Variants in LONRF1 observed in about 807,000 individuals in gnomAD.
The protein encoded by LONRF1 is LON peptidase N-terminal domain and ring finger 1.
Under a neutral mutation model 85.8 loss-of-function variants are expected in LONRF1, and 37 were observed. The ratio of observed to expected loss-of-function variants is 0.43; its 90% CI spans 0.33 to 0.57. LONRF1 has a LOEUF of 0.57. Ranked by LOEUF, LONRF1 falls within the 20% of genes least tolerant of loss-of-function variation. The probability of loss-of-function intolerance (pLI) is 0.04; values close to 1 mark genes in which losing one functional copy is unlikely to be tolerated. For synonymous variants in LONRF1, 517 were observed against 390.1 expected (o/e 1.33, Z -3.83); for missense variants, 1,036 against 978.0 (o/e 1.06, Z -0.79).
chr8:12,725,519 G>C (rs969326139), intron 11 of LONRF1, among the ~76,000 whole-genome samples: 1 of 152,130 alleles, frequency 6.6e-6, no homozygotes, highest in Non-Finnish European at 1.5e-5. Context: ...CAGCTGACAC[G>C]TATTTCCAGC....
intron 7 of LONRF1, among the ~76,000 whole-genome samples, chr8:12,734,499 C>T (rs1798645438): frequency 6.6e-6 from 1 of 152,194 alleles, no homozygotes. Context: ...CTCAGAATCA[C>T]AGGCTTTAGC....
In LONRF1 at chr8:12,751,296, G is replaced by GTTTTT. The variant is rs869038024; in HGVS notation, c.721+3399_721+3403dup. On this transcript the variant is annotated intron_variant, in intron 1 of 11. Transcript: ENST00000398246. The stretch of plus-strand genomic sequence containing the variant: ...TCAAGGATTATATTTTTATTTTTAT[G>GTTTTT]TTTTTTTTTTTTTTTTTTTTTTTTG... 1.8e-3 allele frequency among the ~76,000 whole-genome samples: 128 copies of GTTTTT among 69,524 alleles called. 3 individuals carry two copies. The highest frequency in any genetic ancestry group is 0.011 in the Middle Eastern group (1 of 88). 45.6% of individuals were successfully genotyped at this position (69,524 alleles called of 152,430 possible).
chr8:12,737,925 G>A, intron 4 of LONRF1, 70 bp downstream of exon 4: 1 of 1,486,158 alleles, frequency 6.7e-7, no homozygotes, highest in Non-Finnish European at 9.0e-7. Context: ...TTGAAACTAG[G>A]AAAGTGAAGC....
At position 12,741,037 on chromosome 8, in the gene LONRF1, T is replaced by C. The variant is rs372870259; in HGVS notation, c.841-41A>G. 15 of 1,598,692 alleles carry C rather than the reference T, an allele frequency of 9.4e-6. No individual in the cohort carries two copies. The East Asian group carries it at 1.6e-4, about 17-fold the overall frequency. Reference sequence around the variant, plus strand: ...ATATATAAAACCTTTGTGTTAAGAATTGCTTTTTAAAAAATCATTATCAAG... The same window carrying C: ...ATATATAAAACCTTTGTGTTAAGAACTGCTTTTTAAAAAATCATTATCAAG... On this transcript the variant is annotated intron_variant, in intron 2 of 11. Coordinates refer to ENST00000398246, the MANE Select transcript of LONRF1 (RefSeq NM_152271.5).
In LONRF1 at chr8:12,739,981, G is replaced by A. The variant is rs532880344; in HGVS notation, c.963+893C>T. 3.3e-5 allele frequency among the ~76,000 whole-genome samples: 5 copies of A among 152,262 alleles called. No homozygotes were observed. The South Asian group carries it at 1.0e-3, about 32-fold the overall frequency. On this transcript the variant is annotated intron_variant, in intron 3 of 11. Transcript: ENST00000398246. ...ACAATCTCAAAGTTCTCATGCTTCAGGGTACAAAAACATCTCCTGGGATGC... is the reference window on the plus strand; with the variant it reads ...ACAATCTCAAAGTTCTCATGCTTCAAGGTACAAAAACATCTCCTGGGATGC...
At chr8:12,747,640 A>G (rs1051822524) in intron 1 of LONRF1, among the ~76,000 whole-genome samples, 10 of 152,266 alleles carry the variant, frequency 6.6e-5, no homozygotes, top group African/African-American at 2.2e-4. Context: ...GTTTAAAGAA[A>G]GCAGAAATAA....
At position 12,729,156 on chromosome 8, in the gene LONRF1, G is replaced by A. The variant is rs1158723392; in HGVS notation, c.1847+18C>T. ...GGTCTAACATAAATACAAATATTTA[G>A]GTTCACAAAAAGCATACCTATTTTG... On this transcript the variant is annotated intron_variant, in intron 9 of 11. Transcript: ENST00000398246. The A allele has an allele frequency of 6.2e-7, 1 of 1,612,982 alleles. No individual in the cohort carries two copies. Among genetic ancestry groups the A allele is most frequent in the South Asian group, 1.1e-5 (1 of 91,028 alleles).
chr8:12,746,537 G>T (rs1043821223), intron 1 of LONRF1, among the ~76,000 whole-genome samples: 4 of 152,172 alleles, frequency 2.6e-5, no homozygotes, highest in Non-Finnish European at 4.4e-5. Context: ...TAACCACTAA[G>T]AGCATGATCT....
intron 2 of LONRF1, 44 bp downstream of exon 2, chr8:12,743,120 G>C: frequency 2.3e-6 from 3 of 1,286,048 alleles, no homozygotes; most frequent in African/African-American, 1.5e-5. Flanking sequence ...GTCCCTTATA[G>C]TTAAAATTTT....
chr8:12,735,546 T>G (rs1263110081), intron 6 of LONRF1, 146 bp from the exon 7 acceptor site: 2 of 606,306 alleles, frequency 3.3e-6, no homozygotes, highest in Non-Finnish European at 5.9e-6. Flanking sequence ...AGGGCAGTGA[T>G]AAGTGTAACC....
At chr8:12,725,229 G>C (rs949155225) in intron 11 of LONRF1, among the ~76,000 whole-genome samples, 1 of 152,184 alleles carries the variant, frequency 6.6e-6, no homozygotes, top group African/African-American at 2.4e-5. Flanking sequence ...CATGAGAAGC[G>C]AGGTATTAAA....
At position 12,723,027 on chromosome 8, in the gene LONRF1, G is replaced by C. The variant is rs567310577; in HGVS notation, c.*69C>G. The C allele has an allele frequency of 1.4e-6, 2 of 1,400,762 alleles. No individual in the cohort carries two copies. The highest frequency in any genetic ancestry group is 2.9e-5 in the African/African-American group (2 of 69,462). 86.8% of individuals were successfully genotyped at this position (1,400,762 alleles called of 1,614,324 possible). On this transcript the variant is annotated 3_prime_UTR_variant, in exon 12 of 12. Transcript: ENST00000398246. The stretch of plus-strand genomic sequence containing the variant: ...CTGAAACCAGCACTAGATGTGCAAA[G>C]GCAGCAGACAATCTGGCCATCAATG...
intron 1 of LONRF1, among the ~76,000 whole-genome samples, chr8:12,751,308 T>TTTGTTTTTGTTTTTTG (rs1293814029): frequency 5.4e-4 from 73 of 134,670 alleles, no homozygotes; most frequent in African/African-American, 1.9e-3. Context: ...TTTTTTTTTT[T>TTTGTTTTTGTTTTTTG]TTTTTTTTTT....
At chr8:12,744,532 A>G (rs1016805496) in intron 1 of LONRF1, among the ~76,000 whole-genome samples, 5 of 152,216 alleles carry the variant, frequency 3.3e-5, no homozygotes, top group Admixed American at 2.6e-4. Context: ...TTCCTAGCAC[A>G]AACCTAGACC....
intron 7 of LONRF1, among the ~76,000 whole-genome samples, chr8:12,734,795 A>G (rs1256647616): frequency 1.3e-5 from 2 of 152,228 alleles, no homozygotes; most frequent in African/African-American, 4.8e-5. Context: ...GACACTAACC[A>G]TATTTAAAAG....
chr8:12,745,002 TAC>T (rs1799088855), intron 1 of LONRF1, among the ~76,000 whole-genome samples: 1 of 152,274 alleles, frequency 6.6e-6, no homozygotes, highest in East Asian at 1.9e-4. Context: ...ATCACCTTTA[TAC>T]AGTTTCTTTA....
chr8:12,728,825 A>T (rs1280110852), intron 10 of LONRF1, 76 bp downstream of exon 10: 1 of 1,535,960 alleles, frequency 6.5e-7, no homozygotes, highest in Non-Finnish European at 8.9e-7. Flanking sequence ...TGCACCTAGA[A>T]AATAGCCTGC....
intron 3 of LONRF1, chr8:12,738,560 C>T (rs1426517822): frequency 6.5e-6 from 1 of 152,678 alleles, no homozygotes; most frequent in African/African-American, 2.4e-5. Context: ...GTGAACTACA[C>T]TTGGACTTCT....
At chr8:12,754,026 T>C (rs1207225191) in intron 1 of LONRF1, 2 of 152,302 alleles carry the variant, frequency 1.3e-5, no homozygotes, top group Non-Finnish European at 2.9e-5. Flanking sequence ...GGGACCACCC[T>C]GGGCAGCTCC....
Sources: gnomAD v4.1 joint callset for allele counts (sites outside exome capture counted in the v4.1 genomes callset) on GRCh38, gnomAD v4.1.1 for gene constraint, MANE v1.5 for transcripts, NCBI Gene and HGNC (gene_info 2026-07-23, HGNC 2026-07-21) for gene names.